CACNA2D3: variants seen among roughly 807,000 people sequenced by gnomAD.
The protein encoded by CACNA2D3 is calcium voltage-gated channel auxiliary subunit alpha2delta 3, also known as voltage-dependent calcium channel subunit alpha-2/delta-3.
CACNA2D3 carries 60 observed loss-of-function variants against 160.6 expected under a neutral mutation model. The observed-to-expected ratio is 0.37, with a 90% CI of 0.30 to 0.46. The LOEUF (loss-of-function observed/expected upper bound fraction) is 0.46. CACNA2D3 is among the 20% of genes least tolerant of loss of function. CACNA2D3 has a pLI of 1.00. For missense variants in CACNA2D3, 1,205 were observed against 1,365.0 expected, an observed-to-expected ratio of 0.88 and a Z score of 1.85; for synonymous variants, 558 against 492.9, an observed-to-expected ratio of 1.13 and a Z score of -1.75.
At chr3:54,393,190 C>T (rs1000361036) in intron 4 of CACNA2D3, among the ~76,000 whole-genome samples, 51 of 152,266 alleles carry the variant, frequency 3.3e-4, no homozygotes, top group African/African-American at 1.1e-3. Flanking sequence ...AAAAGGTGAG[C>T]AAGAAGACTG....
chr3:54,616,837 G>A (rs1375440683), intron 9 of CACNA2D3, among the ~76,000 whole-genome samples: 2 of 152,106 alleles, frequency 1.3e-5, no homozygotes, highest in African/African-American at 2.4e-5. Flanking sequence ...GGTAATAAGA[G>A]TACCTACCTT....
chr3:54,993,855 T>C (rs993522560), intron 31 of CACNA2D3, among the ~76,000 whole-genome samples: 5 of 132,966 alleles, frequency 3.8e-5, no homozygotes, highest in African/African-American at 1.5e-4. Context: ...TCTCTCTCTC[T>C]TTTTTTTTTT....
intron 17 of CACNA2D3, among the ~76,000 whole-genome samples, chr3:54,850,833 T>C (rs1374597521): frequency 6.6e-6 from 1 of 152,226 alleles, no homozygotes; most frequent in Non-Finnish European, 1.5e-5. Context: ...AAGGATGCTG[T>C]AGGGTTTTCA....
intron 15 of CACNA2D3, among the ~76,000 whole-genome samples, chr3:54,837,540 A>G (rs1047418026): frequency 6.6e-6 from 1 of 152,140 alleles, no homozygotes. Flanking sequence ...GCCTTTTATT[A>G]GTTTCCTAGG....
chr3:54,175,081 CTTCTT>C, intron 2 of CACNA2D3, among the ~76,000 whole-genome samples: 1 of 152,160 alleles, frequency 6.6e-6, no homozygotes, highest in East Asian at 1.9e-4. Flanking sequence ...CATTGAAACT[CTTCTT>C]TGAGAGTTCA....
chr3:54,848,757 C>T (rs754596801), intron 17 of CACNA2D3, among the ~76,000 whole-genome samples: 6 of 152,210 alleles, frequency 3.9e-5, no homozygotes, highest in Non-Finnish European at 8.8e-5. Context: ...AGTCCCACTA[C>T]ATCCACACTA....
chr3:55,044,922 G>A (rs1476577484), intron 35 of CACNA2D3, among the ~76,000 whole-genome samples: 2 of 152,012 alleles, frequency 1.3e-5, no homozygotes, highest in African/African-American at 4.8e-5. Context: ...ATCTTGAACT[G>A]GTCTTGGATT....
At chr3:54,381,352 A>G (rs375000844) in intron 3 of CACNA2D3, among the ~76,000 whole-genome samples, 1 of 152,078 alleles carries the variant, frequency 6.6e-6, no homozygotes, top group African/African-American at 2.4e-5. Context: ...GTTCATTGTG[A>G]TAAAATCAGG....
chr3:54,490,318 C>T (rs975998202), intron 4 of CACNA2D3, among the ~76,000 whole-genome samples: 4 of 64,914 alleles, frequency 6.2e-5, no homozygotes, highest in African/African-American at 1.2e-4. Context: ...CAGTAAGCAC[C>T]GTTCCATCCC....
chr3:54,802,458 T>G (rs1703013687), intron 13 of CACNA2D3, among the ~76,000 whole-genome samples: 1 of 152,330 alleles, frequency 6.6e-6, no homozygotes, highest in Admixed American at 6.5e-5. Flanking sequence ...ATTGGAAATC[T>G]TTTGAGGAAA....
chr3:54,928,075 A>C, intron 27 of CACNA2D3: 1 of 656,668 alleles, frequency 1.5e-6, no homozygotes, highest in Non-Finnish European at 2.7e-6. Flanking sequence ...TTGCTTTCAA[A>C]AGACCATTTA....
rs565673632 is a variant in CACNA2D3, at chr3:54,906,518, A to G, written c.2449+6650A>G. Among the ~76,000 whole-genome samples, 323 of 152,318 alleles carry G rather than the reference A, an allele frequency of 2.1e-3. 1 individual carries two copies. The highest frequency in any genetic ancestry group is 3.7e-3 in the Non-Finnish European group (249 of 68,020). ...ACAGGAAGAGTATATCCCATATACA[A>G]TGGGAACTAATGCCTCCAGTAACCT... On this transcript the variant is annotated intron_variant, in intron 27 of 37. Transcript: ENST00000474759.
chr3:54,759,378 A>G (rs944060256), intron 12 of CACNA2D3, among the ~76,000 whole-genome samples: 3 of 152,120 alleles, frequency 2.0e-5, no homozygotes, highest in African/African-American at 7.2e-5. Context: ...TACAGAGGGA[A>G]AACAAGGGAA....
intron 2 of CACNA2D3, among the ~76,000 whole-genome samples, chr3:54,312,000 T>C (rs1703753406): frequency 6.6e-6 from 1 of 152,158 alleles, no homozygotes; most frequent in African/African-American, 2.4e-5. Flanking sequence ...GAGGCTTCTT[T>C]CACTCTTACA....
chr3:54,750,927 G>T (rs1167064789), intron 11 of CACNA2D3, among the ~76,000 whole-genome samples: 1 of 151,840 alleles, frequency 6.6e-6, no homozygotes, highest in East Asian at 1.9e-4. Context: ...ATGCCACCAT[G>T]CACAGCTAAT....
intron 9 of CACNA2D3, among the ~76,000 whole-genome samples, chr3:54,600,363 T>C (rs1703038892): frequency 6.6e-6 from 1 of 152,204 alleles, no homozygotes; most frequent in Admixed American, 6.5e-5. Flanking sequence ...TTTCTTATCC[T>C]TAGAGGGAGA....
intron 2 of CACNA2D3, among the ~76,000 whole-genome samples, chr3:54,277,946 C>T (rs1702784227): frequency 6.6e-6 from 1 of 151,890 alleles, no homozygotes; most frequent in African/African-American, 2.4e-5. Context: ...TATAGGAATG[C>T]TTAAAACACC....
intron 27 of CACNA2D3, among the ~76,000 whole-genome samples, chr3:54,919,547 T>C (rs1700775948): frequency 6.6e-6 from 1 of 152,180 alleles, no homozygotes; most frequent in African/African-American, 2.4e-5. Flanking sequence ...TAAACCCAGT[T>C]TCCATTACCT....
intron 9 of CACNA2D3, among the ~76,000 whole-genome samples, chr3:54,623,822 T>G (rs1444191392): frequency 6.6e-6 from 1 of 152,232 alleles, no homozygotes; most frequent in Non-Finnish European, 1.5e-5. Flanking sequence ...ATTTTATTAA[T>G]AATTACATTT....
Sources: allele counts gnomAD v4.1 joint callset (sites outside exome capture counted in the v4.1 genomes callset), GRCh38; gene constraint gnomAD v4.1.1; transcripts MANE v1.5; gene names NCBI Gene and HGNC (gene_info 2026-07-23, HGNC 2026-07-21).